RIGI: variants seen among roughly 807,000 people sequenced by gnomAD.
RIGI encodes antiviral innate immune response receptor RIG-I.
the RIGI span, chr9:32,488,304 G>T: frequency 7.8e-7 from 1 of 1,288,540 alleles, no homozygotes. Flanking sequence ...AATTCTCCCT[G>T]AGTCCAAAAG....
chr9:32,488,269 G>A, the RIGI span: 9 of 1,525,984 alleles, frequency 5.9e-6, no homozygotes, highest in Non-Finnish European at 8.0e-6. Context: ...AAGATGAAAT[G>A]CTAGATCAGA....
At chr9:32,472,200 A>G in the RIGI span, among the ~76,000 whole-genome samples, 8 of 152,366 alleles carry the variant, frequency 5.3e-5, no homozygotes, top group African/African-American at 1.9e-4. Flanking sequence ...TCTACTGCTT[A>G]AAGAATAACA....
At chr9:32,476,715 G>C in the RIGI span, among the ~76,000 whole-genome samples, 12 of 150,656 alleles carry the variant, frequency 8.0e-5, no homozygotes, top group Non-Finnish European at 1.5e-5. Context: ...ACGCTGTCAT[G>C]ATCACTGCAG....
chr9:32,458,114 C>T, the RIGI span, among the ~76,000 whole-genome samples: 4 of 152,148 alleles, frequency 2.6e-5, no homozygotes, highest in Admixed American at 6.5e-5. Flanking sequence ...TGAAGACGAA[C>T]GGAACATCCT....
the RIGI span, among the ~76,000 whole-genome samples, chr9:32,523,579 CTATTGATT>C: frequency 6.6e-6 from 1 of 152,092 alleles, no homozygotes; most frequent in Non-Finnish European, 1.5e-5. Flanking sequence ...CCCAAGAGAC[CTATTGATT>C]ATACTTTCCA....
the RIGI span, chr9:32,477,115 T>G: frequency 1.9e-6 from 3 of 1,613,552 alleles, no homozygotes; most frequent in South Asian, 2.2e-5. Flanking sequence ...AAACACTTTC[T>G]AGTTCCTGCA....
At chr9:32,472,021 G>A in the RIGI span, among the ~76,000 whole-genome samples, 1 of 152,102 alleles carries the variant, frequency 6.6e-6, no homozygotes, top group Non-Finnish European at 1.5e-5. Flanking sequence ...ACTGAGGGGT[G>A]GGGGGCACAG....
chr9:32,526,183 A>G, the RIGI span: 4 of 1,604,236 alleles, frequency 2.5e-6, no homozygotes, highest in South Asian at 1.1e-5. Flanking sequence ...CTCTGCTTGC[A>G]GCTAGCTACG....
At chr9:32,463,115 AAAAT>A in the RIGI span, among the ~76,000 whole-genome samples, 2 of 152,196 alleles carry the variant, frequency 1.3e-5, no homozygotes, top group African/African-American at 4.8e-5. Context: ...CTGTCTCAAA[AAAAT>A]AAATAAGAAA....
chr9:32,495,295 G>A, the RIGI span, among the ~76,000 whole-genome samples: 189 of 152,142 alleles, frequency 1.2e-3, no homozygotes, highest in Non-Finnish European at 2.4e-3. Context: ...TCTGCCTCCC[G>A]GGTTCAAGCA....
chr9:32,484,477 C>T, the RIGI span, among the ~76,000 whole-genome samples: 1 of 152,168 alleles, frequency 6.6e-6, no homozygotes, highest in African/African-American at 2.4e-5. Context: ...GGTACCAGGA[C>T]CACCCACTGG....
the RIGI span, among the ~76,000 whole-genome samples, chr9:32,503,408 G>C: frequency 3.3e-5 from 5 of 152,096 alleles, no homozygotes; most frequent in East Asian, 9.6e-4. Context: ...ATCTTTGACA[G>C]TATTTCCCAC....
chr9:32,517,390 G>A, the RIGI span, among the ~76,000 whole-genome samples: 4 of 152,166 alleles, frequency 2.6e-5, no homozygotes, highest in African/African-American at 4.8e-5. Flanking sequence ...ATGTTTAGAT[G>A]TGTTTATCTA....
the RIGI span, chr9:32,492,518 C>A: frequency 6.2e-7 from 1 of 1,614,218 alleles, no homozygotes; most frequent in East Asian, 2.2e-5. Flanking sequence ...CACCTGCCAT[C>A]ATCCCCTTAG....
the RIGI span, chr9:32,473,124 A>G: frequency 1.6e-6 from 2 of 1,240,956 alleles, no homozygotes; most frequent in Non-Finnish European, 2.3e-6. Flanking sequence ...GTATTAATTC[A>G]ATATTGAAAT....
At chr9:32,512,119 A>G in the RIGI span, among the ~76,000 whole-genome samples, 1 of 152,236 alleles carries the variant, frequency 6.6e-6, no homozygotes, top group African/African-American at 2.4e-5. Flanking sequence ...ATGGATTCAC[A>G]GCTGAATTCT....
chr9:32,495,292 C>T, the RIGI span, among the ~76,000 whole-genome samples: 1 of 152,112 alleles, frequency 6.6e-6, no homozygotes, highest in South Asian at 2.1e-4. Flanking sequence ...AACTCTGCCT[C>T]CCGGGTTCAA....
chr9:32,482,216 T>TG, the RIGI span, among the ~76,000 whole-genome samples: 10 of 151,726 alleles, frequency 6.6e-5, no homozygotes, highest in African/African-American at 2.4e-4. Context: ...TGTGTGTGTG[T>TG]TTGATTGTTT....
At chr9:32,480,155 T>C in the RIGI span, 25 of 1,542,310 alleles carry the variant, frequency 1.6e-5, no homozygotes, top group African/African-American at 2.9e-4. Flanking sequence ...CAATACATGT[T>C]TGTTTTGCCA....
Sources: allele counts gnomAD v4.1 joint callset (sites outside exome capture counted in the v4.1 genomes callset), GRCh38; gene constraint gnomAD v4.1.1; transcripts MANE v1.5; gene names NCBI Gene and HGNC (gene_info 2026-07-23, HGNC 2026-07-21).